The following THRB variants were observed in gnomAD, a reference collection of about 807,000 sequenced individuals.
THRB encodes thyroid hormone receptor beta, also known as nuclear receptor subfamily 1 group A member 2.
In THRB, 12 loss-of-function variants were observed where a neutral mutation model predicts 47.8. The observed-to-expected ratio is 0.25, with a 90% CI of 0.16 to 0.41. The LOEUF (loss-of-function observed/expected upper bound fraction) is 0.41, where lower values mean the gene tolerates loss of function less well. Among genes scored for constraint, THRB ranks in the 10% least tolerant of loss-of-function variants. The pLI is 1.00. For missense variants in THRB, 348 were observed against 589.2 expected, an observed-to-expected ratio of 0.59 and a Z score of 4.24; for synonymous variants, 218 against 212.2, an observed-to-expected ratio of 1.03 and a Z score of -0.24.
intron 3 of THRB, among the ~76,000 whole-genome samples, chr3:24,230,623 T>C (rs1305340683): frequency 6.6e-6 from 1 of 152,122 alleles, no homozygotes; most frequent in African/African-American, 2.4e-5. Flanking sequence ...ACCTACAGTA[T>C]TGCGGGTCCT....
At chr3:24,285,710 A>G (rs1458476610) in intron 3 of THRB, among the ~76,000 whole-genome samples, 1 of 152,206 alleles carries the variant, frequency 6.6e-6, no homozygotes, top group Non-Finnish European at 1.5e-5. Context: ...AATGCCCAAG[A>G]AAACAGTGCT....
chr3:24,271,115 A>C (rs112346920), intron 3 of THRB, among the ~76,000 whole-genome samples: 81 of 152,314 alleles, frequency 5.3e-4, no homozygotes, highest in African/African-American at 1.9e-3. Flanking sequence ...TTCGTTGAGG[A>C]TAGAAAGGCA....
At chr3:24,261,978 T>C (rs1206293648) in intron 3 of THRB, among the ~76,000 whole-genome samples, 3 of 152,228 alleles carry the variant, frequency 2.0e-5, no homozygotes, top group Non-Finnish European at 4.4e-5. Flanking sequence ...CTTGGTGATC[T>C]CATTCTGTCT....
At chr3:24,268,520 A>C (rs1346936615) in intron 3 of THRB, among the ~76,000 whole-genome samples, 5 of 152,202 alleles carry the variant, frequency 3.3e-5, no homozygotes, top group Admixed American at 6.5e-5. Flanking sequence ...CCTTGGGTGA[A>C]GAACATTTAA....
At chr3:24,412,975 T>C (rs1219894289) in intron 1 of THRB, among the ~76,000 whole-genome samples, 1 of 151,806 alleles carries the variant, frequency 6.6e-6, no homozygotes, top group Non-Finnish European at 1.5e-5. Flanking sequence ...TTTCCACTTA[T>C]CAATTTACCA....
At chr3:24,197,250 T>C (rs1032442872) in intron 4 of THRB, among the ~76,000 whole-genome samples, 2 of 152,228 alleles carry the variant, frequency 1.3e-5, no homozygotes, top group Admixed American at 6.5e-5. Flanking sequence ...CAATTCAATA[T>C]GGACTACCAA....
intron 3 of THRB, among the ~76,000 whole-genome samples, chr3:24,233,241 A>T (rs927853680): frequency 6.6e-6 from 1 of 152,196 alleles, no homozygotes; most frequent in Non-Finnish European, 1.5e-5. Flanking sequence ...AGGTCCAGGA[A>T]CTTTGGAAGG....
chr3:24,305,873 G>A (rs140537179), intron 2 of THRB, among the ~76,000 whole-genome samples: 20 of 152,176 alleles, frequency 1.3e-4, no homozygotes, highest in Admixed American at 9.8e-4. Flanking sequence ...TCCTCTAATC[G>A]TGCCTTGGCA....
At chr3:24,389,055 G>A (rs1180854509) in intron 1 of THRB, among the ~76,000 whole-genome samples, 2 of 152,162 alleles carry the variant, frequency 1.3e-5, no homozygotes, top group African/African-American at 4.8e-5. Flanking sequence ...GAAGGAGACT[G>A]TGTGACTATT....
intron 1 of THRB, among the ~76,000 whole-genome samples, chr3:24,447,103 T>A (rs2072169763): frequency 2.0e-5 from 3 of 152,214 alleles, no homozygotes; most frequent in African/African-American, 7.2e-5. Context: ...TAGCAACATA[T>A]ATTTTAATTA....
chr3:24,490,797 T>C (rs577730135), intron 1 of THRB, among the ~76,000 whole-genome samples: 2 of 152,224 alleles, frequency 1.3e-5, no homozygotes, highest in African/African-American at 2.4e-5. Context: ...CTAGGTTTCC[T>C]GAGCTTTATT....
chr3:24,169,563 A>G (rs1357049424), intron 5 of THRB, among the ~76,000 whole-genome samples: 9 of 151,824 alleles, frequency 5.9e-5, no homozygotes, highest in Non-Finnish European at 1.2e-4. Flanking sequence ...AAAACAGATA[A>G]CGGTAGTCAC....
At chr3:24,342,143 C>A (rs2062697679) in intron 1 of THRB, among the ~76,000 whole-genome samples, 1 of 92,836 alleles carries the variant, frequency 1.1e-5, no homozygotes. Flanking sequence ...GGGCTTATCC[C>A]TGTTGCGCTC....
chr3:24,431,261 T>TCTACACACACACACACACACACAC (rs767685100), intron 1 of THRB, among the ~76,000 whole-genome samples: 1 of 135,708 alleles, frequency 7.4e-6, no homozygotes, highest in African/African-American at 2.7e-5. Flanking sequence ...TCTCTCTCTC[T>TCTACACACACACACACACACACAC]ACACACACAC....
intron 1 of THRB, among the ~76,000 whole-genome samples, chr3:24,487,344 G>GCACA (rs61358157): frequency 4.2e-4 from 61 of 146,382 alleles, no homozygotes; most frequent in African/African-American, 8.7e-4. Flanking sequence ...AGACACACAA[G>GCACA]CACACACACA....
At chr3:24,170,860 A>T (rs977331644) in intron 5 of THRB, among the ~76,000 whole-genome samples, 3 of 140,910 alleles carry the variant, frequency 2.1e-5, no homozygotes, top group South Asian at 4.3e-4. Flanking sequence ...ATGTGCATTT[A>T]AAAAAAAAAA....
intron 2 of THRB, among the ~76,000 whole-genome samples, chr3:24,312,662 T>C (rs1240392433): frequency 6.6e-6 from 1 of 152,118 alleles, no homozygotes; most frequent in Non-Finnish European, 1.5e-5. Flanking sequence ...TACATCTACC[T>C]AGATCAAAGA....
At chr3:24,242,475 G>A (rs1421834399) in intron 3 of THRB, among the ~76,000 whole-genome samples, 2 of 152,022 alleles carry the variant, frequency 1.3e-5, no homozygotes, top group African/African-American at 2.4e-5. Context: ...ATATGCAACT[G>A]AAGAATCCCC....
chr3:24,285,792 T>C (rs1371077768), intron 3 of THRB, among the ~76,000 whole-genome samples: 5 of 152,188 alleles, frequency 3.3e-5, no homozygotes, highest in African/African-American at 4.8e-5. Flanking sequence ...TTGCATTACA[T>C]TGATTCCTAA....
Sources: gnomAD v4.1 joint callset for allele counts (sites outside exome capture counted in the v4.1 genomes callset) on GRCh38, gnomAD v4.1.1 for gene constraint, MANE v1.5 for transcripts, NCBI Gene and HGNC (gene_info 2026-07-23, HGNC 2026-07-21) for gene names.